Variants in ARHGEF3 observed in about 807,000 individuals in gnomAD.
The protein encoded by ARHGEF3 is Rho guanine nucleotide exchange factor 3.
Under a neutral mutation model 63.2 loss-of-function variants are expected in ARHGEF3, and 28 were observed. The observed-to-expected ratio is 0.44, with a 90% CI of 0.33 to 0.61. The LOEUF (loss-of-function observed/expected upper bound fraction) is 0.61, where lower values mean the gene tolerates loss of function less well. Ranked by LOEUF, ARHGEF3 falls within the 20% of genes least tolerant of loss-of-function variation. The probability of loss-of-function intolerance (pLI) is 0.03; values close to 1 mark genes in which losing one functional copy is unlikely to be tolerated. For synonymous variants in ARHGEF3, 266 were observed against 254.2 expected (o/e 1.05, Z -0.44); for missense variants, 533 against 659.3 (o/e 0.81, Z 2.10).
chr3:56,741,725 G>T (rs1386629225), intron 7 of ARHGEF3, among the ~76,000 whole-genome samples: 5 of 150,966 alleles, frequency 3.3e-5, no homozygotes, highest in Non-Finnish European at 7.4e-5. Context: ...AGATGGTCTC[G>T]ATCTCCTGAC....
intron 2 of ARHGEF3, among the ~76,000 whole-genome samples, chr3:56,763,591 G>A (rs2035541852): frequency 6.6e-6 from 1 of 152,184 alleles, no homozygotes; most frequent in Admixed American, 6.5e-5. Flanking sequence ...GATAAGGAGA[G>A]AGCCTCACAT....
intron 2 of ARHGEF3, among the ~76,000 whole-genome samples, chr3:57,002,498 T>TTATATATATATATATATATGTTA (rs1553802543): frequency 7.4e-5 from 1 of 13,494 alleles, no homozygotes; most frequent in Non-Finnish European, 1.5e-4. Context: ...TATATATATG[T>TTATATATATATATATATATGTTA]TATATATATA....
At chr3:56,762,486 G>A (rs927221756) in intron 2 of ARHGEF3, among the ~76,000 whole-genome samples, 5 of 152,104 alleles carry the variant, frequency 3.3e-5, no homozygotes, top group South Asian at 2.1e-4. Flanking sequence ...TCTGCCGGGG[G>A]TTGGGGGACG....
At chr3:57,062,460 CG>C (rs566679044) in intron 1 of ARHGEF3, among the ~76,000 whole-genome samples, 2 of 152,192 alleles carry the variant, frequency 1.3e-5, no homozygotes, top group East Asian at 3.9e-4. Flanking sequence ...GCGGCGGGGG[CG>C]GGGGGTGCTC....
chr3:56,945,865 G>T lies in ARHGEF3; in HGVS notation c.129+12958C>A, dbSNP rs536308638. Among the ~76,000 whole-genome samples the T allele has an allele frequency of 2.3e-4, 35 of 152,278 alleles. No individual in the cohort carries two copies. In the East Asian group the frequency reaches 5.0e-3, roughly 22 times the overall value. Reference sequence around the variant, plus strand: ...TCCCTGACCCCCGAGTAACCTAACTGGGAGGCACCCCCCAGTACGGGCAGA... The same window carrying T: ...TCCCTGACCCCCGAGTAACCTAACTTGGAGGCACCCCCCAGTACGGGCAGA... On this transcript the variant is annotated intron_variant, in intron 3 of 12. Transcript: ENST00000338458.
At chr3:56,798,842 A>G (rs982172494) in intron 1 of ARHGEF3, among the ~76,000 whole-genome samples, 1 of 152,212 alleles carries the variant, frequency 6.6e-6, no homozygotes, top group Non-Finnish European at 1.5e-5. Context: ...TAAGCTCCTT[A>G]GATTTCACAA....
chr3:56,970,151 G>A (rs1254456612), intron 2 of ARHGEF3, among the ~76,000 whole-genome samples: 2 of 152,146 alleles, frequency 1.3e-5, no homozygotes, highest in Non-Finnish European at 2.9e-5. Flanking sequence ...TGTACTTAAT[G>A]CCATTGAATT....
At chr3:56,825,346 G>A (rs1167435591) in intron 4 of ARHGEF3, among the ~76,000 whole-genome samples, 1 of 152,194 alleles carries the variant, frequency 6.6e-6, no homozygotes, top group African/African-American at 2.4e-5. Flanking sequence ...GTTCTAAAAT[G>A]ACGTTCACAA....
chr3:57,067,262 T>G (rs555793197), intron 1 of ARHGEF3, among the ~76,000 whole-genome samples: 2 of 151,560 alleles, frequency 1.3e-5, no homozygotes, highest in Non-Finnish European at 2.9e-5. Flanking sequence ...CTATCCTGGC[T>G]AACACGGTGA....
At chr3:56,793,498 T>G (rs1462629623) in intron 1 of ARHGEF3, among the ~76,000 whole-genome samples, 1 of 152,022 alleles carries the variant, frequency 6.6e-6, no homozygotes, top group African/African-American at 2.4e-5. Flanking sequence ...AGACTGGGTT[T>G]TACCATGTTG....
At chr3:57,026,559 C>T (rs1703482043) in intron 2 of ARHGEF3, among the ~76,000 whole-genome samples, 1 of 152,154 alleles carries the variant, frequency 6.6e-6, no homozygotes, top group African/African-American at 2.4e-5. Context: ...AGGAGGGAGA[C>T]CGACATGATG....
intron 1 of ARHGEF3, among the ~76,000 whole-genome samples, chr3:57,043,501 A>C (rs1357820318): frequency 2.0e-5 from 3 of 151,218 alleles, no homozygotes; most frequent in African/African-American, 7.4e-5. Context: ...AAAAAAAAAA[A>C]AAAAACCCTG....
intron 3 of ARHGEF3, among the ~76,000 whole-genome samples, chr3:56,929,303 G>A (rs2042351908): frequency 6.6e-6 from 1 of 152,138 alleles, no homozygotes. Context: ...ATTTATCACA[G>A]CCCAACTTTC....
At chr3:56,855,336 ACT>A (rs1326087007) in intron 4 of ARHGEF3, among the ~76,000 whole-genome samples, 4 of 152,116 alleles carry the variant, frequency 2.6e-5, no homozygotes, top group Non-Finnish European at 4.4e-5. Context: ...ACGTTTGCTA[ACT>A]CTTTTCAAAA....
chr3:56,884,659 C>T (rs1012109909), intron 3 of ARHGEF3, among the ~76,000 whole-genome samples: 3 of 152,336 alleles, frequency 2.0e-5, no homozygotes, highest in Middle Eastern at 3.4e-3. Context: ...CTCCACTCAG[C>T]GTCCTTGAGG....
chr3:56,845,807 G>T (rs2039469395), intron 4 of ARHGEF3, among the ~76,000 whole-genome samples: 1 of 152,180 alleles, frequency 6.6e-6, no homozygotes, highest in Non-Finnish European at 1.5e-5. Flanking sequence ...AGGCCCCAGA[G>T]CCAGGTTTGT....
chr3:56,750,301 C>T (rs1028034209), intron 6 of ARHGEF3, among the ~76,000 whole-genome samples: 1 of 152,050 alleles, frequency 6.6e-6, no homozygotes, highest in Non-Finnish European at 1.5e-5. Context: ...CCTTGTCTAG[C>T]GTAAGTGAAA....
chr3:56,910,893 C>T (rs1048547880), intron 3 of ARHGEF3, among the ~76,000 whole-genome samples: 38 of 152,162 alleles, frequency 2.5e-4, no homozygotes, highest in African/African-American at 9.2e-4. Flanking sequence ...GAGGCAGGTA[C>T]TATCAGCATC....
intron 3 of ARHGEF3, among the ~76,000 whole-genome samples, chr3:56,932,426 G>A (rs553337381): frequency 1.3e-5 from 2 of 152,022 alleles, no homozygotes; most frequent in East Asian, 3.9e-4. Flanking sequence ...TTTGTTTCCT[G>A]CTTCTTAAAA....
Sources: gnomAD v4.1 joint callset for allele counts (sites outside exome capture counted in the v4.1 genomes callset) on GRCh38, gnomAD v4.1.1 for gene constraint, MANE v1.5 for transcripts, NCBI Gene and HGNC (gene_info 2026-07-23, HGNC 2026-07-21) for gene names.